PLXNA1: variants seen among roughly 807,000 people sequenced by gnomAD.
PLXNA1 encodes the protein plexin A1.
A neutral mutation model predicts 191.7 loss-of-function variants in PLXNA1; 77 were observed. The ratio of observed to expected loss-of-function variants is 0.40; its 90% CI spans 0.33 to 0.49. PLXNA1 has a LOEUF of 0.49. Among genes scored for constraint, PLXNA1 ranks in the 20% least tolerant of loss-of-function variants. PLXNA1 has a pLI of 0.63. For missense variants in PLXNA1, 2,110 were observed against 2,660.2 expected, an observed-to-expected ratio of 0.79 and a Z score of 4.55; for synonymous variants, 1,137 against 1,156.4, an observed-to-expected ratio of 0.98 and a Z score of 0.34.
chr3:127,016,832 G>GT, intron 16 of PLXNA1, 112 bp from the exon 17 acceptor site: 1 of 1,385,582 alleles, frequency 7.2e-7, no homozygotes, highest in African/African-American at 1.4e-5. Context: ...GCTTTTACCT[G>GT]TTTCCTGTCT....
chr3:127,018,748 C>T (rs760769524), intron 20 of PLXNA1, among the ~76,000 whole-genome samples: 5 of 152,210 alleles, frequency 3.3e-5, no homozygotes, highest in Admixed American at 6.5e-5. Flanking sequence ...GTGCTGCTTG[C>T]GACACAGAAC....
chr3:126,995,753 T>C (rs1252089302), intron 3 of PLXNA1, among the ~76,000 whole-genome samples: 1 of 152,206 alleles, frequency 6.6e-6, no homozygotes, highest in African/African-American at 2.4e-5. Context: ...ACTGTGGCCT[T>C]GAGTAGCTTA....
chr3:127,018,192 T>TC (rs1277140780), intron 19 of PLXNA1, 102 bp from the exon 20 acceptor site: 1 of 1,104,820 alleles, frequency 9.1e-7, no homozygotes, highest in African/African-American at 1.6e-5. Context: ...GTGGGACCTT[T>TC]CCCACAGGCA....
intron 27 of PLXNA1, 59 bp downstream of exon 27, chr3:127,029,595 G>C (rs762119554): frequency 6.5e-7 from 1 of 1,547,506 alleles, no homozygotes; most frequent in African/African-American, 1.4e-5. Flanking sequence ...TGGGCAGGAC[G>C]TCCCCCGGGC....
intron 23 of PLXNA1, among the ~76,000 whole-genome samples, chr3:127,025,093 G>A (rs930150445): frequency 8.6e-5 from 13 of 151,988 alleles, no homozygotes; most frequent in Non-Finnish European, 1.6e-4. Flanking sequence ...AGTGCCCCTC[G>A]TTTCTGTGCG....
At chr3:127,022,655 C>T (rs1340976266) in intron 22 of PLXNA1, 97 bp from the exon 23 acceptor site, 2 of 1,088,330 alleles carry the variant, frequency 1.8e-6, no homozygotes, top group Admixed American at 3.5e-5. Context: ...GGAAGGGGGG[C>T]AGGGTGGGGT....
intron 3 of PLXNA1, 86 bp downstream of exon 3, chr3:126,991,652 G>C: frequency 7.4e-7 from 1 of 1,355,106 alleles, no homozygotes; most frequent in African/African-American, 1.5e-5. Flanking sequence ...GCCCAGTGCT[G>C]CTGTATGCTG....
chr3:127,003,521 C>T (rs2079051258), intron 4 of PLXNA1, 51 bp downstream of exon 4: 1 of 1,537,074 alleles, frequency 6.5e-7, no homozygotes, highest in Non-Finnish European at 8.8e-7. Flanking sequence ...GGCCCTCCTA[C>T]CAGGAACCCC....
Position 127,027,104 on chromosome 3 carries a change from G to A in PLXNA1, c.4363-836G>A, listed in dbSNP as rs921788906. 4 of 166,874 alleles carry A rather than the reference G, an allele frequency of 2.4e-5. No homozygotes were observed. The East Asian group carries it at 5.2e-4, about 21-fold the overall frequency. The allele number at this position is 166,874 out of a possible 1,614,324, so 10.3% of individuals were successfully genotyped here. A position where few individuals can be genotyped will look rare whatever the true frequency, so the allele number is the denominator to read the frequency against. ...TCAGCGAGGCAGTGGTCGGGGGTAC[G>A]TGTGCTGGGCGCTCCCCAGGAGCCT... On this transcript the variant is annotated intron_variant, in intron 23 of 31. Transcript: ENST00000393409.
At chr3:126,993,071 G>A (rs1277779934) in intron 3 of PLXNA1, among the ~76,000 whole-genome samples, 4 of 152,178 alleles carry the variant, frequency 2.6e-5, no homozygotes, top group Admixed American at 2.0e-4. Context: ...CTGCTGCCCA[G>A]CACTCACCCT....
chr3:126,990,906 C>A (rs144764765), intron 2 of PLXNA1, among the ~76,000 whole-genome samples: 1 of 152,186 alleles, frequency 6.6e-6, no homozygotes, highest in Admixed American at 6.5e-5. Context: ...AAGGCTGGGG[C>A]CTGCTCTTTC....
intron 7 of PLXNA1, 71 bp from the exon 8 acceptor site, chr3:127,006,008 C>T: frequency 8.6e-7 from 1 of 1,164,614 alleles, no homozygotes; most frequent in Middle Eastern, 1.9e-4. Flanking sequence ...AGTTGTTCCC[C>T]TGTCTGGACT....
At chr3:127,024,623 G>A (rs1013950756) in intron 23 of PLXNA1, among the ~76,000 whole-genome samples, 4 of 152,132 alleles carry the variant, frequency 2.6e-5, no homozygotes, top group Non-Finnish European at 5.9e-5. Context: ...TGTTAGTGGG[G>A]TACCAGTGTC....
chr3:127,032,334 GCTC>G (rs1192899920), intron 29 of PLXNA1, 50 bp from the exon 30 acceptor site: 5 of 1,574,414 alleles, frequency 3.2e-6, no homozygotes, highest in Non-Finnish European at 4.3e-6. Context: ...CAAGGTCACT[GCTC>G]AGGAGGGAGC....
At chr3:126,996,835 C>A (rs1288408218) in intron 3 of PLXNA1, among the ~76,000 whole-genome samples, 1 of 152,132 alleles carries the variant, frequency 6.6e-6, no homozygotes. Context: ...CCCCTTGCAC[C>A]TGCAGCATGC....
chr3:127,028,950 G>A (rs2079191196), intron 25 of PLXNA1, 43 bp from the exon 26 acceptor site: 2 of 1,499,712 alleles, frequency 1.3e-6, no homozygotes. Flanking sequence ...AGGAGGGAAA[G>A]AGGGCCCCAG....
At chr3:127,001,689 T>G (rs1045502260) in intron 3 of PLXNA1, among the ~76,000 whole-genome samples, 1 of 152,270 alleles carries the variant, frequency 6.6e-6, no homozygotes, top group African/African-American at 2.4e-5. Flanking sequence ...GTGGCTGTCT[T>G]AAGCCGCTGG....
chr3:126,993,759 C>T (rs1211214283), intron 3 of PLXNA1, among the ~76,000 whole-genome samples: 2 of 152,082 alleles, frequency 1.3e-5, no homozygotes, highest in Non-Finnish European at 1.5e-5. Context: ...TGTTCGGAGG[C>T]CCCCCCAGGC....
chr3:127,034,010 G>C lies in PLXNA1; in HGVS notation c.5684G>C (p.Ser1895Thr). ...LEQVVDTMALSS is the reference protein window; with the variant it reads ...LEQVVDTMALTS Reference sequence around the variant, plus strand: ...CAGGTGGTGGACACGATGGCCCTGAGCAGCTGAGCCCCAGCTGTGATCATC... The same window carrying C: ...CAGGTGGTGGACACGATGGCCCTGACCAGCTGAGCCCCAGCTGTGATCATC... Residue 1895 changes from serine (S) to threonine (T), a missense_variant, in exon 32 of 32, where the codon AGC (serine) becomes ACC (threonine). Physicochemically the swap from Ser to Thr is moderately conservative, Grantham distance 58. Transcript: ENST00000393409. 1 of 1,599,378 alleles carries C rather than the reference G, an allele frequency of 6.3e-7. No homozygotes were observed. The highest frequency in any genetic ancestry group is 2.3e-5 in the East Asian group (1 of 44,366).
Sources: allele counts gnomAD v4.1 joint callset (sites outside exome capture counted in the v4.1 genomes callset), GRCh38; gene constraint gnomAD v4.1.1; transcripts MANE v1.5; gene names NCBI Gene and HGNC (gene_info 2026-07-23, HGNC 2026-07-21).